SMIM31: variants seen among roughly 807,000 people sequenced by gnomAD.
The protein encoded by SMIM31 is human epithelial cell program regulator.
At chr4:164,800,851 C>A (rs1473253248) in intron 2 of SMIM31, among the ~76,000 whole-genome samples, 2 of 152,052 alleles carry the variant, frequency 1.3e-5, no homozygotes, top group African/African-American at 2.4e-5. Context: ...ATGTCATTAG[C>A]CTTTGCGATA....
rs117000764 is a variant in SMIM31 at position 164,800,857 on chromosome 4, C to T, written c.113-234C>T. Among the ~76,000 whole-genome samples, 601 of 152,174 alleles carry T rather than the reference C, an allele frequency of 3.9e-3. 8 individuals carry two copies. Among genetic ancestry groups the T allele is most frequent in the South Asian group, 0.026 (124 of 4,810 alleles). Reference sequence around the variant, plus strand: ...TTACAAAAGATGTCATTAGCCTTTGCGATACTGAACCAAAACATTACCTAG... The same window carrying T: ...TTACAAAAGATGTCATTAGCCTTTGTGATACTGAACCAAAACATTACCTAG... On this transcript the variant is annotated intron_variant, in intron 2 of 2. Coordinates refer to ENST00000507311, the MANE Select transcript of SMIM31 (RefSeq NM_001352885.1).
chr4:164,781,460 T>TA (rs1464497108), intron 2 of SMIM31, among the ~76,000 whole-genome samples: 1 of 152,056 alleles, frequency 6.6e-6, no homozygotes, highest in East Asian at 1.9e-4. Context: ...TATTAAGCAA[T>TA]AAAAAAGAAA....
chr4:164,799,148 G>C (rs1733249736), intron 2 of SMIM31, among the ~76,000 whole-genome samples: 1 of 152,056 alleles, frequency 6.6e-6, no homozygotes, highest in Non-Finnish European at 1.5e-5. Flanking sequence ...AACTTTAGGA[G>C]GCCAAAGAGG....
intron 2 of SMIM31, among the ~76,000 whole-genome samples, chr4:164,797,068 T>A (rs1733207027): frequency 6.6e-6 from 1 of 152,192 alleles, no homozygotes; most frequent in Non-Finnish European, 1.5e-5. Flanking sequence ...TGTCATTGCT[T>A]GGACGACTCT....
At chr4:164,790,306 A>G (rs79097057) in intron 2 of SMIM31, among the ~76,000 whole-genome samples, 28,231 of 152,138 alleles carry the variant, frequency 0.19, 2,886 homozygotes, top group African/African-American at 0.28. Context: ...ATTTTTTTAA[A>G]AAAAATCCTT....
At chr4:164,764,820 T>C (rs1394735818) in intron 1 of SMIM31, among the ~76,000 whole-genome samples, 1 of 152,168 alleles carries the variant, frequency 6.6e-6, no homozygotes, top group Non-Finnish European at 1.5e-5. Flanking sequence ...TGAGGATCCC[T>C]CTCATAAAAG....
intron 2 of SMIM31, among the ~76,000 whole-genome samples, chr4:164,772,548 A>C (rs556482393): frequency 6.6e-6 from 1 of 151,486 alleles, no homozygotes; most frequent in South Asian, 2.1e-4. Flanking sequence ...TTTCACAAGC[A>C]AGGACACTGA....
At chr4:164,772,597 G>C (rs1306725652) in intron 2 of SMIM31, among the ~76,000 whole-genome samples, 5 of 43,750 alleles carry the variant, frequency 1.1e-4, no homozygotes, top group Non-Finnish European at 2.2e-4. Flanking sequence ...TTTTTTTTTT[G>C]AGACGGAGTC....
chr4:164,760,069 T>C (rs993275524), intron 1 of SMIM31, among the ~76,000 whole-genome samples: 5 of 152,140 alleles, frequency 3.3e-5, no homozygotes, highest in African/African-American at 9.7e-5. Flanking sequence ...GGTGGAAATA[T>C]GCCTGGAGTG....
chr4:164,775,857 A>G (rs761324287), intron 2 of SMIM31, among the ~76,000 whole-genome samples: 5 of 152,182 alleles, frequency 3.3e-5, no homozygotes, highest in Non-Finnish European at 7.4e-5. Flanking sequence ...CCTCACCTAC[A>G]ACACATTTAC....
intron 1 of SMIM31, among the ~76,000 whole-genome samples, chr4:164,765,339 G>A (rs1287746846): frequency 1.3e-5 from 2 of 152,226 alleles, no homozygotes; most frequent in African/African-American, 2.4e-5. Context: ...GTGTCAGGGA[G>A]TAAATAAGAA....
chr4:164,766,603 C>A (rs561427721), intron 1 of SMIM31, among the ~76,000 whole-genome samples: 1 of 152,020 alleles, frequency 6.6e-6, no homozygotes, highest in Non-Finnish European at 1.5e-5. Flanking sequence ...TTGAGATCAT[C>A]CTGGCCAACA....
At chr4:164,758,630 G>GTTTTTTT (rs1210607914) in intron 1 of SMIM31, among the ~76,000 whole-genome samples, 7 of 96,638 alleles carry the variant, frequency 7.2e-5, no homozygotes, top group African/African-American at 1.3e-4. Flanking sequence ...TCCTTTTTTT[G>GTTTTTTT]TTTTTTTTTT....
rs987408863 is a variant in SMIM31 at position 164,803,778 on chromosome 4, A to C, written c.*2584A>C. The C allele has an allele frequency of 6.6e-6, 1 of 152,062 alleles. No individual in the cohort carries two copies. Among genetic ancestry groups the C allele is most frequent in the Non-Finnish European group, 1.5e-5 (1 of 68,068 alleles). 9.4% of individuals were successfully genotyped at this position (152,062 alleles called of 1,614,324 possible). A position where few individuals can be genotyped will look rare whatever the true frequency, so the allele number is the denominator to read the frequency against. On this transcript the variant is annotated 3_prime_UTR_variant, in exon 3 of 3. Transcript: ENST00000507311. ...CCATTGCTCTCCAGCCTGGGGAGCAAATGCAAAACTCCATTTCAAAAAAAA... is the reference window on the plus strand; with the variant it reads ...CCATTGCTCTCCAGCCTGGGGAGCACATGCAAAACTCCATTTCAAAAAAAA...
At position 164,762,442 on chromosome 4, in the gene SMIM31, C is replaced by T. The variant is rs945876214; in HGVS notation, c.-25-7977C>T. Among the ~76,000 whole-genome samples the T allele has an allele frequency of 3.9e-5, 6 of 151,910 alleles. No homozygotes were observed. In the South Asian group the frequency reaches 6.2e-4, roughly 16 times the overall value. ...TGAAAGTATTCAATATCTGGCCAGG[C>T]GTGGTGGCTCACACCTATAATCCCA... On this transcript the variant is annotated intron_variant, in intron 1 of 2. Transcript: ENST00000507311.
intron 1 of SMIM31, among the ~76,000 whole-genome samples, chr4:164,767,959 G>C (rs1732741279): frequency 6.6e-6 from 1 of 152,162 alleles, no homozygotes; most frequent in African/African-American, 2.4e-5. Flanking sequence ...CACAGGGCCA[G>C]AGGCGGTAGC....
At chr4:164,782,284 C>T (rs1426577545) in intron 2 of SMIM31, among the ~76,000 whole-genome samples, 1 of 150,346 alleles carries the variant, frequency 6.7e-6, no homozygotes, top group Non-Finnish European at 1.5e-5. Flanking sequence ...AGTGAAACTC[C>T]GTCTCACAAA....
In SMIM31 at chr4:164,801,924, T is replaced by TA. The variant is rs72378710; in HGVS notation, c.*731dup. The stretch of plus-strand genomic sequence containing the variant: ...AAAGTTGAAAGTTTTCTGTTATTTA[T>TA]ATTTTTTTTTTTTTAATTTGAGAGA... On this transcript the variant is annotated 3_prime_UTR_variant, in exon 3 of 3. Coordinates refer to ENST00000507311, the MANE Select transcript of SMIM31 (RefSeq NM_001352885.1). 4.4e-3 allele frequency: 654 copies of TA among 149,024 alleles called. 9 individuals carry two copies. Among genetic ancestry groups the TA allele is most frequent in the South Asian group, 0.028 (131 of 4,718 alleles). 9.2% of individuals were successfully genotyped at this position (149,024 alleles called of 1,614,324 possible). A position where few individuals can be genotyped will look rare whatever the true frequency, so the allele number is the denominator to read the frequency against.
chr4:164,757,183 T>C (rs28872789), intron 1 of SMIM31, among the ~76,000 whole-genome samples: 71,055 of 151,998 alleles, frequency 0.47, 17,511 homozygotes, highest in Admixed American at 0.55. Flanking sequence ...AAGCATTTTC[T>C]CTTAGGTTTA....
Sources: allele counts gnomAD v4.1 joint callset (sites outside exome capture counted in the v4.1 genomes callset), GRCh38; gene constraint gnomAD v4.1.1; transcripts MANE v1.5; gene names NCBI Gene and HGNC (gene_info 2026-07-23, HGNC 2026-07-21).